The following TRIP4 variants were observed in gnomAD, a reference collection of about 807,000 sequenced individuals.
The protein encoded by TRIP4 is activating signal cointegrator 1.
Under a neutral mutation model 81.8 loss-of-function variants are expected in TRIP4, and 54 were observed. The observed-to-expected ratio is 0.66, with a 90% CI of 0.53 to 0.83. TRIP4 has a LOEUF of 0.83. Ranked by LOEUF, TRIP4 falls within the 40% of genes least tolerant of loss-of-function variation. The probability of loss-of-function intolerance (pLI) is 0.00; values close to 1 mark genes in which losing one functional copy is unlikely to be tolerated. For missense variants in TRIP4, 662 were observed against 683.6 expected (o/e 0.97, Z 0.35); for synonymous variants, 270 against 242.8 (o/e 1.11, Z -1.04).
rs1892297822 is a variant in TRIP4, at chr15:64,432,410, T to C, written c.1575+6779T>C. On this transcript the variant is annotated intron_variant, in intron 11 of 12. Transcript: ENST00000261884. Reference sequence around the variant, plus strand: ...AGGCGGATCACTCAAGGTCAGGCTCTTGAGACCAGCTTGACCAGCTTGGTG... The same window carrying C: ...AGGCGGATCACTCAAGGTCAGGCTCCTGAGACCAGCTTGACCAGCTTGGTG... 2.1e-5 allele frequency among the ~76,000 whole-genome samples: 3 copies of C among 142,676 alleles called. No homozygotes were observed. In the South Asian group the frequency reaches 6.8e-4, roughly 32 times the overall value. The allele number at this position is 142,676 out of a possible 152,430, so 93.6% of individuals were successfully genotyped here.
At chr15:64,401,652 T>C (rs1891512177) in intron 5 of TRIP4, among the ~76,000 whole-genome samples, 1 of 152,178 alleles carries the variant, frequency 6.6e-6, no homozygotes, top group South Asian at 2.1e-4. Context: ...TAAATAATAG[T>C]ATTACATTAT....
At chr15:64,442,525 TC>T (rs1314693177) in intron 11 of TRIP4, among the ~76,000 whole-genome samples, 2 of 151,634 alleles carry the variant, frequency 1.3e-5, no homozygotes, top group East Asian at 3.9e-4. Context: ...GCTCAAGCAA[TC>T]CTCCTGCCTG....
At chr15:64,418,862 C>A in intron 9 of TRIP4, 134 bp downstream of exon 9, 1 of 796,088 alleles carries the variant, frequency 1.3e-6, no homozygotes, top group Non-Finnish European at 1.8e-6. Flanking sequence ...GAACTTTGAA[C>A]AACATATTCA....
intron 5 of TRIP4, among the ~76,000 whole-genome samples, chr15:64,404,509 C>T (rs1891581183): frequency 6.6e-6 from 1 of 151,642 alleles, no homozygotes; most frequent in Admixed American, 6.6e-5. Flanking sequence ...ATAGTAGAGA[C>T]AGGGTTTTGC....
intron 1 of TRIP4, among the ~76,000 whole-genome samples, chr15:64,390,568 A>T (rs561124058): frequency 1.3e-5 from 2 of 151,980 alleles, no homozygotes; most frequent in Non-Finnish European, 2.9e-5. Context: ...ATCCAGTTGT[A>T]TTTTGTTTGG....
chr15:64,391,603 T>C (rs1417896990), intron 1 of TRIP4, among the ~76,000 whole-genome samples: 1 of 152,208 alleles, frequency 6.6e-6, no homozygotes, highest in Non-Finnish European at 1.5e-5. Flanking sequence ...TGTTCTTTAT[T>C]ATACCTTGTT....
At chr15:64,451,131 G>T (rs909174268) in intron 12 of TRIP4, 3 of 163,350 alleles carry the variant, frequency 1.8e-5, no homozygotes, top group African/African-American at 7.3e-5. Flanking sequence ...TTTTTTTTTT[G>T]AGATGGGGTC....
chr15:64,435,864 T>C (rs1947485001), intron 11 of TRIP4, among the ~76,000 whole-genome samples: 1 of 114,782 alleles, frequency 8.7e-6, no homozygotes, highest in African/African-American at 3.2e-5. Context: ...GCAGAAGCAA[T>C]GCTTCCTGGA....
At chr15:64,407,843 T>A (rs1351857886) in intron 6 of TRIP4, among the ~76,000 whole-genome samples, 2 of 152,082 alleles carry the variant, frequency 1.3e-5, no homozygotes, top group Non-Finnish European at 2.9e-5. Flanking sequence ...ACGCCTGTAA[T>A]CCTAGCACTT....
chr15:64,451,514 C>T (rs972040751), intron 12 of TRIP4, among the ~76,000 whole-genome samples: 9 of 133,152 alleles, frequency 6.8e-5, no homozygotes, highest in African/African-American at 2.6e-4. Flanking sequence ...CTCTGTCACC[C>T]AGGCTGAAGT....
At chr15:64,436,441 A>C (rs1892400743) in intron 11 of TRIP4, among the ~76,000 whole-genome samples, 2 of 151,386 alleles carry the variant, frequency 1.3e-5, no homozygotes, top group South Asian at 4.2e-4. Context: ...AGAATATAAA[A>C]ATTAGTTGGG....
At chr15:64,452,077 C>T (rs900019816) in intron 12 of TRIP4, among the ~76,000 whole-genome samples, 4 of 152,136 alleles carry the variant, frequency 2.6e-5, no homozygotes, top group African/African-American at 9.7e-5. Flanking sequence ...CCTCCTGTCT[C>T]AGCCTCCTGA....
At chr15:64,431,432 G>A (rs916167035) in intron 11 of TRIP4, among the ~76,000 whole-genome samples, 7 of 152,128 alleles carry the variant, frequency 4.6e-5, no homozygotes, top group South Asian at 2.1e-4. Context: ...GGCTGGGCAC[G>A]GTGGCTCACG....
At chr15:64,396,940 T>G (rs1900312433) in intron 3 of TRIP4, among the ~76,000 whole-genome samples, 1 of 152,244 alleles carries the variant, frequency 6.6e-6, no homozygotes, top group South Asian at 2.1e-4. Flanking sequence ...GCCATTCTGG[T>G]TGGTATTTAG....
At chr15:64,404,501 A>G (rs1056230692) in intron 5 of TRIP4, among the ~76,000 whole-genome samples, 2 of 151,092 alleles carry the variant, frequency 1.3e-5, no homozygotes, top group Non-Finnish European at 1.5e-5. Flanking sequence ...TTGCATTTAT[A>G]GTAGAGACAG....
intron 1 of TRIP4, among the ~76,000 whole-genome samples, chr15:64,390,810 G>C (rs1176521035): frequency 6.6e-6 from 1 of 151,130 alleles, no homozygotes; most frequent in Non-Finnish European, 1.5e-5. Context: ...CAGGAGAATC[G>C]CTTGAACCCA....
intron 11 of TRIP4, among the ~76,000 whole-genome samples, chr15:64,438,104 C>A (rs900288337): frequency 2.6e-5 from 4 of 152,104 alleles, no homozygotes; most frequent in Non-Finnish European, 5.9e-5. Flanking sequence ...TTAATAACAC[C>A]AGATTGCTTG....
intron 11 of TRIP4, among the ~76,000 whole-genome samples, chr15:64,429,779 C>T (rs952176504): frequency 9.9e-5 from 15 of 152,168 alleles, no homozygotes; most frequent in African/African-American, 3.6e-4. Context: ...TAACTGTGAC[C>T]TGTGCCTTCC....
At chr15:64,395,631 A>G (rs1457908972) in intron 3 of TRIP4, 100 bp downstream of exon 3, 6 of 1,310,226 alleles carry the variant, frequency 4.6e-6, no homozygotes, top group East Asian at 2.4e-5. Flanking sequence ...TAGAATGGCA[A>G]TTTTTCAACA....
Sources: gnomAD v4.1 joint callset for allele counts (sites outside exome capture counted in the v4.1 genomes callset) on GRCh38, gnomAD v4.1.1 for gene constraint, MANE v1.5 for transcripts, NCBI Gene and HGNC (gene_info 2026-07-23, HGNC 2026-07-21) for gene names.